ERBB4: variants seen among roughly 807,000 people sequenced by gnomAD.
The protein encoded by ERBB4 is receptor tyrosine-protein kinase erbB-4.
Under a neutral mutation model 158.0 loss-of-function variants are expected in ERBB4, and 42 were observed. The ratio of observed to expected loss-of-function variants is 0.27; its 90% CI spans 0.21 to 0.34. The LOEUF (loss-of-function observed/expected upper bound fraction) is 0.34, where lower values mean the gene tolerates loss of function less well. Among genes scored for constraint, ERBB4 ranks in the 10% least tolerant of loss-of-function variants. The pLI is 1.00. For synonymous variants in ERBB4, 583 were observed against 558.7 expected (o/e 1.04, Z -0.61); for missense variants, 1,333 against 1,624.1 (o/e 0.82, Z 3.08).
At chr2:211,664,059 C>T (rs1349648814) in intron 15 of ERBB4, among the ~76,000 whole-genome samples, 1 of 152,134 alleles carries the variant, frequency 6.6e-6, no homozygotes, top group South Asian at 2.1e-4. Flanking sequence ...ATTACCACTT[C>T]CAAGGTGAAT....
intron 12 of ERBB4, among the ~76,000 whole-genome samples, chr2:211,684,170 G>A (rs1026888261): frequency 6.6e-6 from 1 of 152,126 alleles, no homozygotes; most frequent in African/African-American, 2.4e-5. Flanking sequence ...TAAACCAAGT[G>A]GCCGGACACG....
At position 212,043,020 on chromosome 2, in the gene ERBB4, T is replaced by C. The variant is rs114581043; in HGVS notation, c.234+81732A>G. ...GTGCGGCAAAGGAAAATCTATTGAGTACTACAGTCTCATATGCAGAAACTT... is the reference window on the plus strand; with the variant it reads ...GTGCGGCAAAGGAAAATCTATTGAGCACTACAGTCTCATATGCAGAAACTT... On this transcript the variant is annotated intron_variant, in intron 2 of 27. Coordinates refer to ENST00000342788, the MANE Select transcript of ERBB4 (RefSeq NM_005235.3). Among the ~76,000 whole-genome samples the C allele has an allele frequency of 7.5e-3, 1,146 of 152,242 alleles. 6 individuals carry two copies. Among genetic ancestry groups the C allele is most frequent in the Non-Finnish European group, 0.011 (779 of 67,974 alleles).
At chr2:211,486,170 A>G (rs1283668990) in intron 20 of ERBB4, among the ~76,000 whole-genome samples, 1 of 152,182 alleles carries the variant, frequency 6.6e-6, no homozygotes, top group Non-Finnish European at 1.5e-5. Flanking sequence ...GGAACTTTGT[A>G]TCTGCTAACT....
chr2:211,718,261 A>T (rs2073987253), intron 7 of ERBB4, among the ~76,000 whole-genome samples: 1 of 152,178 alleles, frequency 6.6e-6, no homozygotes, highest in African/African-American at 2.4e-5. Flanking sequence ...AAAATAGAGA[A>T]CAAAAGGTGT....
intron 1 of ERBB4, among the ~76,000 whole-genome samples, chr2:212,180,257 A>G (rs937396596): frequency 6.6e-6 from 1 of 151,676 alleles, no homozygotes; most frequent in Non-Finnish European, 1.5e-5. Flanking sequence ...GTGAAGATAA[A>G]CTTCACTAAA....
intron 1 of ERBB4, among the ~76,000 whole-genome samples, chr2:212,319,239 C>CTAATTTTATAGATGAGT (rs768100055): frequency 6.6e-6 from 1 of 150,974 alleles, no homozygotes. Context: ...TTTCATACAT[C>CTAATTTTATAGATGAGT]ACAGCCTTCA....
At chr2:211,875,919 T>C (rs1307690643) in intron 3 of ERBB4, among the ~76,000 whole-genome samples, 1 of 152,192 alleles carries the variant, frequency 6.6e-6, no homozygotes, top group Non-Finnish European at 1.5e-5. Flanking sequence ...GGCTAGACCA[T>C]ATAGCCCAGA....
intron 5 of ERBB4, 23 bp from the exon 6 acceptor site, chr2:211,725,217 C>T: frequency 1.3e-6 from 2 of 1,571,288 alleles, no homozygotes; most frequent in Non-Finnish European, 1.8e-6. Flanking sequence ...GAGATAGGAC[C>T]ATGATCAAAG....
intron 4 of ERBB4, among the ~76,000 whole-genome samples, chr2:211,756,216 T>C (rs904613604): frequency 6.6e-6 from 1 of 152,058 alleles, no homozygotes; most frequent in Admixed American, 6.5e-5. Flanking sequence ...ATTATGACCA[T>C]AATATTTGCG....
intron 13 of ERBB4, among the ~76,000 whole-genome samples, chr2:211,678,538 T>C (rs2072194411): frequency 6.6e-6 from 1 of 152,344 alleles, no homozygotes; most frequent in East Asian, 1.9e-4. Context: ...AATAGTAAAC[T>C]ATGTATTTGA....
intron 1 of ERBB4, among the ~76,000 whole-genome samples, chr2:212,241,156 T>C (rs549780983): frequency 4.3e-4 from 65 of 151,608 alleles, no homozygotes; most frequent in Admixed American, 2.4e-3. Flanking sequence ...CTTTGGGAGG[T>C]TGAGGCAGGA....
At chr2:211,851,171 C>T (rs1269708244) in intron 3 of ERBB4, among the ~76,000 whole-genome samples, 1 of 151,768 alleles carries the variant, frequency 6.6e-6, no homozygotes, top group African/African-American at 2.4e-5. Flanking sequence ...CAAAATTTGA[C>T]TGAACAAAAT....
At chr2:211,651,125 T>A (rs1305133921) in intron 16 of ERBB4, among the ~76,000 whole-genome samples, 1 of 152,198 alleles carries the variant, frequency 6.6e-6, no homozygotes, top group Non-Finnish European at 1.5e-5. Context: ...GGAACCAACA[T>A]GGACACTGAG....
chr2:211,402,890 T>C (rs1465149853), intron 25 of ERBB4, among the ~76,000 whole-genome samples: 1 of 152,034 alleles, frequency 6.6e-6, no homozygotes, highest in Non-Finnish European at 1.5e-5. Flanking sequence ...TAGTAGTTAA[T>C]TCCTGACAGC....
In ERBB4 at chr2:211,420,419, T is replaced by C. The variant is rs540444985; in HGVS notation, c.3135+22A>G. The C allele has an allele frequency of 1.9e-5, 29 of 1,491,612 alleles. No homozygotes were observed. In the South Asian group the frequency reaches 3.0e-4, roughly 15 times the overall value. 92.4% of individuals were successfully genotyped at this position (1,491,612 alleles called of 1,614,324 possible). ...TTTATATCTCAGAAAGAATATGATATGTGTATATAATTATTTCTTACCCTA... is the reference window on the plus strand; with the variant it reads ...TTTATATCTCAGAAAGAATATGATACGTGTATATAATTATTTCTTACCCTA... On this transcript the variant is annotated intron_variant, in intron 25 of 27. Transcript: ENST00000342788.
At chr2:212,362,612 A>G (rs534801212) in intron 1 of ERBB4, among the ~76,000 whole-genome samples, 10 of 151,024 alleles carry the variant, frequency 6.6e-5, no homozygotes, top group Non-Finnish European at 1.2e-4. Flanking sequence ...CAGTTCTTCA[A>G]TTAAAAAATG....
At chr2:211,901,906 C>T (rs1406903730) in intron 3 of ERBB4, among the ~76,000 whole-genome samples, 2 of 152,106 alleles carry the variant, frequency 1.3e-5, no homozygotes, top group Admixed American at 6.6e-5. Flanking sequence ...AAAATTGCAA[C>T]TCCTTAGACA....
intron 25 of ERBB4, among the ~76,000 whole-genome samples, chr2:211,408,108 T>C: frequency 6.6e-6 from 1 of 152,272 alleles, no homozygotes; most frequent in South Asian, 2.1e-4. Context: ...AATAAATACA[T>C]ACATACATAA....
chr2:211,980,396 C>T (rs2081755547), intron 2 of ERBB4, among the ~76,000 whole-genome samples: 1 of 152,114 alleles, frequency 6.6e-6, no homozygotes, highest in African/African-American at 2.4e-5. Flanking sequence ...AAAAATTTTT[C>T]ATGAGATTCA....
Sources: gnomAD v4.1 joint callset for allele counts (sites outside exome capture counted in the v4.1 genomes callset) on GRCh38, gnomAD v4.1.1 for gene constraint, MANE v1.5 for transcripts, NCBI Gene and HGNC (gene_info 2026-07-23, HGNC 2026-07-21) for gene names.